The following NUP35 variants were observed in gnomAD, a reference collection of about 807,000 sequenced individuals.
The protein encoded by NUP35 is nucleoporin 35.
Under a neutral mutation model 41.5 loss-of-function variants are expected in NUP35, and 25 were observed. That is an observed-to-expected ratio of 0.60 (90% CI 0.44 to 0.84). The LOEUF (loss-of-function observed/expected upper bound fraction) is 0.84. Ranked by LOEUF, NUP35 falls within the 40% of genes least tolerant of loss-of-function variation. The probability of loss-of-function intolerance (pLI) is 0.00; values close to 1 mark genes in which losing one functional copy is unlikely to be tolerated. For synonymous variants in NUP35, 149 were observed against 130.7 expected, an observed-to-expected ratio of 1.14 and a Z score of -0.96; for missense variants, 396 against 396.6, an observed-to-expected ratio of 1.00 and a Z score of 0.01.
At chr2:183,132,848 G>A (rs1025846500) in intron 3 of NUP35, among the ~76,000 whole-genome samples, 13 of 152,122 alleles carry the variant, frequency 8.5e-5, no homozygotes, top group Admixed American at 2.0e-4. Context: ...AATAATTGAG[G>A]AATAAATTTT....
In NUP35 at chr2:183,158,339, G is replaced by A; in HGVS notation, c.666G>A (p.Arg222=). The A allele has an allele frequency of 6.2e-7, 1 of 1,609,094 alleles. No individual in the cohort carries two copies. The highest frequency in any genetic ancestry group is 8.5e-7 in the Non-Finnish European group (1 of 1,176,790). Residue 222 remains arginine, a synonymous_variant, in exon 7 of 9, where the codon CGG becomes CGA. Transcript: ENST00000295119. ...HIRYQSKLQA[R]KALSKDGRIF... Reference sequence around the variant, plus strand: ...GTTATCAATCTAAACTGCAGGCTCGGAAAGCCTTAAGCAAAGATGGGAGGA... The same window carrying A: ...GTTATCAATCTAAACTGCAGGCTCGAAAAGCCTTAAGCAAAGATGGGAGGA...
At chr2:183,130,607 T>C (rs1684664469) in intron 3 of NUP35, 62 bp downstream of exon 3, 1 of 1,518,318 alleles carries the variant, frequency 6.6e-7, no homozygotes, top group African/African-American at 1.4e-5. Flanking sequence ...GTCTGTTCAG[T>C]GAGAGTCAAT....
intron 4 of NUP35, among the ~76,000 whole-genome samples, chr2:183,149,261 T>G (rs1462330666): frequency 6.6e-6 from 1 of 152,230 alleles, no homozygotes; most frequent in East Asian, 1.9e-4. Flanking sequence ...AGCTTTTGTT[T>G]ATATAGATTA....
intron 4 of NUP35, among the ~76,000 whole-genome samples, chr2:183,147,219 G>C (rs776110492): frequency 3.9e-5 from 6 of 152,084 alleles, no homozygotes; most frequent in African/African-American, 7.2e-5. Flanking sequence ...GGTCCAACTT[G>C]TCAATCTTTG....
In NUP35 at chr2:183,130,390, T is replaced by C. The variant is rs1269904886; in HGVS notation, c.212-28T>C. On this transcript the variant is annotated intron_variant, in intron 2 of 8. Transcript: ENST00000295119. ...ATCTTACCAAAAAGAAGAATCCCTT[T>C]TTTTTTTTTTTTTTTTGTACACTGT... The C allele has an allele frequency of 7.3e-5, 45 of 614,934 alleles. No individual in the cohort carries two copies. The African/African-American group carries it at 9.5e-4, about 13-fold the overall frequency. The allele number at this position is 614,934 out of a possible 1,614,324, so 38.1% of individuals were successfully genotyped here.
chr2:183,139,353 T>C (rs1685002044), intron 4 of NUP35, among the ~76,000 whole-genome samples: 1 of 152,056 alleles, frequency 6.6e-6, no homozygotes, highest in Non-Finnish European at 1.5e-5. Flanking sequence ...ATTATAGGCA[T>C]GTGCCACCAT....
Position 183,131,193 on chromosome 2 carries a change from C to T in NUP35, c.339+648C>T, listed in dbSNP as rs559713589. ...TCTTGCCGGATTCAGGTGATCCTTGCACCTTGACCTCTCAAAGCGCTAGAT... is the reference window on the plus strand; with the variant it reads ...TCTTGCCGGATTCAGGTGATCCTTGTACCTTGACCTCTCAAAGCGCTAGAT... On this transcript the variant is annotated intron_variant, in intron 3 of 8. Coordinates refer to ENST00000295119, the MANE Select transcript of NUP35 (RefSeq NM_138285.5). 3.4e-5 allele frequency: 6 copies of T among 174,836 alleles called. No individual in the cohort carries two copies. The East Asian group carries it at 7.8e-4, about 23-fold the overall frequency. 10.8% of individuals were successfully genotyped at this position (174,836 alleles called of 1,614,324 possible). A position where few individuals can be genotyped will look rare whatever the true frequency, so the allele number is the denominator to read the frequency against.
At chr2:183,156,828 A>G (rs1685682409) in intron 5 of NUP35, among the ~76,000 whole-genome samples, 1 of 152,176 alleles carries the variant, frequency 6.6e-6, no homozygotes, top group South Asian at 2.1e-4. Flanking sequence ...AAAGAATAAT[A>G]TGTCATTGTA....
chr2:183,130,027 T>G (rs998142862), intron 2 of NUP35, among the ~76,000 whole-genome samples: 2 of 152,262 alleles, frequency 1.3e-5, no homozygotes, highest in Non-Finnish European at 2.9e-5. Flanking sequence ...TGGAGCTGTT[T>G]AGTACCTACT....
At chr2:183,126,071 G>A (rs2675104) in intron 1 of NUP35, among the ~76,000 whole-genome samples, 106,615 of 151,642 alleles carry the variant, frequency 0.7, 38,151 homozygotes, top group African/African-American at 0.82. Flanking sequence ...TGACACAGCC[G>A]TGTCACCTGG....
chr2:183,140,484 T>C (rs1196798080), intron 4 of NUP35, among the ~76,000 whole-genome samples: 2 of 152,200 alleles, frequency 1.3e-5, no homozygotes, highest in Non-Finnish European at 2.9e-5. Context: ...GAGTGGTCTC[T>C]AGTTATGGTG....
chr2:183,157,840 A>G (rs1284185132), intron 6 of NUP35, among the ~76,000 whole-genome samples: 1 of 152,120 alleles, frequency 6.6e-6, no homozygotes, highest in Non-Finnish European at 1.5e-5. Context: ...TATTGGGGAT[A>G]AAAGAAGTAG....
chr2:183,137,039 G>A (rs1166635036), intron 4 of NUP35, among the ~76,000 whole-genome samples: 1 of 152,012 alleles, frequency 6.6e-6, no homozygotes, highest in South Asian at 2.1e-4. Context: ...GGAGTGAGCT[G>A]AGATCGAGCC....
chr2:183,158,756 A>G (rs1404243529), intron 7 of NUP35, among the ~76,000 whole-genome samples: 1 of 152,192 alleles, frequency 6.6e-6, no homozygotes, highest in Non-Finnish European at 1.5e-5. Context: ...TCTTTAAAGT[A>G]CTTAAATGGA....
At chr2:183,132,790 C>A (rs1413839030) in intron 3 of NUP35, among the ~76,000 whole-genome samples, 1 of 152,010 alleles carries the variant, frequency 6.6e-6, no homozygotes, top group East Asian at 1.9e-4. Context: ...TAGTTATGCC[C>A]CCTGGAATTT....
In NUP35 at chr2:183,158,321, A is replaced by G. The variant is rs139023108; in HGVS notation, c.648A>G (p.Gln216=). ...GAAATTGGATGCATATTCGTTATCA[A>G]TCTAAACTGCAGGCTCGGAAAGCCT... The part of the protein sequence containing the change: ...NTGNWMHIRY[Q]SKLQARKALS... Residue 216 remains glutamine, a synonymous_variant, in exon 7 of 9, where the codon CAA becomes CAG. Transcript: ENST00000295119. 11 of 1,607,528 alleles carry G rather than the reference A, an allele frequency of 6.8e-6. No individual in the cohort carries two copies. The highest frequency in any genetic ancestry group is 6.7e-5 in the African/African-American group (5 of 74,828).
intron 4 of NUP35, among the ~76,000 whole-genome samples, chr2:183,142,646 C>A (rs115850197): frequency 2.7e-5 from 4 of 150,736 alleles, no homozygotes; most frequent in Non-Finnish European, 5.9e-5. Flanking sequence ...TGCTGGGCTA[C>A]TTTTTGTATT....
chr2:183,132,399 C>CAAA (rs36122337), intron 3 of NUP35, among the ~76,000 whole-genome samples: 2 of 141,058 alleles, frequency 1.4e-5, no homozygotes, highest in African/African-American at 5.2e-5. Flanking sequence ...ACTGAAAATA[C>CAAA]AAAAAAAAAA....
intron 4 of NUP35, among the ~76,000 whole-genome samples, chr2:183,138,269 A>ATTTTTTTTTT (rs147315571): frequency 2.5e-5 from 2 of 80,688 alleles, no homozygotes; most frequent in Non-Finnish European, 4.4e-5. Context: ...ATATATATAT[A>ATTTTTTTTTT]TTTTTTTTTT....
Sources: allele counts gnomAD v4.1 joint callset (sites outside exome capture counted in the v4.1 genomes callset), GRCh38; gene constraint gnomAD v4.1.1; transcripts MANE v1.5; gene names NCBI Gene and HGNC (gene_info 2026-07-23, HGNC 2026-07-21).